Variants in DDX1 observed in about 807,000 individuals in gnomAD.
The protein encoded by DDX1 is DEAD-box helicase 1.
In DDX1, 28 loss-of-function variants were observed where a neutral mutation model predicts 108.7. The ratio of observed to expected loss-of-function variants is 0.26; its 90% CI spans 0.19 to 0.35. The LOEUF is 0.35. Ranked by LOEUF, DDX1 falls within the 10% of genes least tolerant of loss-of-function variation. The probability of loss-of-function intolerance (pLI) is 1.00; values close to 1 mark genes in which losing one functional copy is unlikely to be tolerated. For synonymous variants in DDX1, 295 were observed against 288.9 expected (o/e 1.02, Z -0.21); for missense variants, 710 against 884.5 (o/e 0.80, Z 2.50).
Position 15,630,935 on chromosome 2 carries a change from T to G in DDX1, c.*29T>G. On this transcript the variant is annotated 3_prime_UTR_variant, in exon 26 of 26. Coordinates refer to ENST00000233084, the MANE Select transcript of DDX1 (RefSeq NM_004939.3). ...TTACATTTACTGAATAAGATTTGAGTAATGAAAGTCTGTAGTCTTAAAACT... is the reference window on the plus strand; with the variant it reads ...TTACATTTACTGAATAAGATTTGAGGAATGAAAGTCTGTAGTCTTAAAACT... The G allele has an allele frequency of 1.2e-6, 2 of 1,609,064 alleles. No homozygotes were observed. The highest frequency in any genetic ancestry group is 1.7e-4 in the Middle Eastern group (1 of 6,056).
intron 5 of DDX1, among the ~76,000 whole-genome samples, chr2:15,598,911 A>G (rs929040518): frequency 1.5e-4 from 22 of 150,842 alleles, no homozygotes; most frequent in African/African-American, 5.4e-4. Context: ...TGAATGTGGT[A>G]TTGAATTAAG....
At chr2:15,601,120 C>G (rs575993759) in intron 6 of DDX1, among the ~76,000 whole-genome samples, 1 of 152,210 alleles carries the variant, frequency 6.6e-6, no homozygotes, top group South Asian at 2.1e-4. Context: ...AATAAATAAA[C>G]TCCATTTTCC....
Position 15,606,173 on chromosome 2 carries a change from C to T in DDX1, c.726C>T (p.Phe242=), listed in dbSNP as rs201850199. The T allele has an allele frequency of 5.0e-5, 80 of 1,613,734 alleles. No individual in the cohort carries two copies. The African/African-American group carries it at 7.5e-4, about 15-fold the overall frequency. Residue 242 remains phenylalanine, a synonymous_variant, in exon 12 of 26, where the codon TTC becomes TTT. Transcript: ENST00000233084. The part of the protein sequence containing the change: ...VLKNAELKFN[F]GEEEFKFPPK... ...AGAATGCTGAACTGAAATTTAACTTCGGTGAAGAGGAATTTAAGTTTCCAC... is the reference window on the plus strand; with the variant it reads ...AGAATGCTGAACTGAAATTTAACTTTGGTGAAGAGGAATTTAAGTTTCCAC...
chr2:15,595,453 C>G (rs762164109), intron 2 of DDX1, 37 bp from the exon 3 acceptor site: 1 of 1,550,140 alleles, frequency 6.5e-7, no homozygotes, highest in Non-Finnish European at 8.9e-7. Flanking sequence ...GATTTTTTTC[C>G]CCAGTAACTA....
At chr2:15,618,102 AG>A in intron 15 of DDX1, 78 bp from the exon 16 acceptor site, 1 of 766,194 alleles carries the variant, frequency 1.3e-6, no homozygotes, top group Non-Finnish European at 2.1e-6. Context: ...TTTAGAAAAA[AG>A]ATTTTTGATA....
At chr2:15,630,644 G>T in intron 25 of DDX1, 132 bp from the exon 26 acceptor site, 1 of 828,502 alleles carries the variant, frequency 1.2e-6, no homozygotes. Flanking sequence ...CAAAGTTCTG[G>T]AGATAACTTG....
intron 19 of DDX1, 136 bp downstream of exon 19, chr2:15,623,718 T>G (rs1666047474): frequency 1.5e-6 from 1 of 674,984 alleles, no homozygotes; most frequent in Non-Finnish European, 2.5e-6. Flanking sequence ...CTATGCTTAT[T>G]CAGTACTTTT....
chr2:15,614,462 G>A (rs1271026026), intron 14 of DDX1, among the ~76,000 whole-genome samples: 1 of 152,182 alleles, frequency 6.6e-6, no homozygotes, highest in Non-Finnish European at 1.5e-5. Flanking sequence ...TAGTGCTATG[G>A]TTTTAATGTC....
chr2:15,613,203 T>C, intron 13 of DDX1, 21 bp from the exon 14 acceptor site: 1 of 1,528,176 alleles, frequency 6.5e-7, no homozygotes, highest in Non-Finnish European at 8.9e-7. Flanking sequence ...TTTTATATTA[T>C]CATCTTGATA....
chr2:15,625,620 G>A lies in DDX1; in HGVS notation c.1595-1434G>A, dbSNP rs564821619. 3.9e-5 allele frequency among the ~76,000 whole-genome samples: 6 copies of A among 152,226 alleles called. No individual in the cohort carries two copies. The South Asian group carries it at 1.0e-3, about 26-fold the overall frequency. ...ATAAAATGTTAATTGTTGAATCTAGGTGGTGGATATACAACTGTTCATCCT... is the reference window on the plus strand; with the variant it reads ...ATAAAATGTTAATTGTTGAATCTAGATGGTGGATATACAACTGTTCATCCT... On this transcript the variant is annotated intron_variant, in intron 19 of 25. Transcript: ENST00000233084.
intron 16 of DDX1, among the ~76,000 whole-genome samples, chr2:15,619,591 G>C (rs66599852): frequency 6.6e-6 from 1 of 152,066 alleles, no homozygotes; most frequent in African/African-American, 2.4e-5. Flanking sequence ...TTTTTGTTTG[G>C]TCCCCTCTCA....
chr2:15,608,663 G>GTTTTTTTTTTTTTT (rs569566545), intron 13 of DDX1, among the ~76,000 whole-genome samples: 5 of 106,722 alleles, frequency 4.7e-5, no homozygotes, highest in Non-Finnish European at 7.1e-5. Flanking sequence ...TTTTTTTTAG[G>GTTTTTTTTTTTTTT]TTTTTTTTTT....
intron 5 of DDX1, among the ~76,000 whole-genome samples, 197 bp from the exon 6 acceptor site, chr2:15,599,472 A>C (rs556532017): frequency 6.6e-6 from 1 of 150,994 alleles, no homozygotes; most frequent in Non-Finnish European, 1.5e-5. Context: ...ATGCCTGGCT[A>C]ATTTTTGTAT....
rs1312232006 is a variant in DDX1 at position 15,596,657 on chromosome 2, C to T, written c.133-77C>T. 18 of 1,261,686 alleles carry T rather than the reference C, an allele frequency of 1.4e-5. No homozygotes were observed. The East Asian group carries it at 3.9e-4, about 28-fold the overall frequency. 78.2% of individuals were successfully genotyped at this position (1,261,686 alleles called of 1,614,324 possible). A position where few individuals can be genotyped will look rare whatever the true frequency, so the allele number is the denominator to read the frequency against. On this transcript the variant is annotated intron_variant, in intron 3 of 25. Coordinates refer to ENST00000233084, the MANE Select transcript of DDX1 (RefSeq NM_004939.3). Reference sequence around the variant, plus strand: ...GTAGCCAGTCAAATGTTAAAGATTTCTACATACTATGGTGTTAGTTTGATT... The same window carrying T: ...GTAGCCAGTCAAATGTTAAAGATTTTTACATACTATGGTGTTAGTTTGATT...
intron 22 of DDX1, 35 bp downstream of exon 22, chr2:15,628,745 C>T: frequency 1.9e-6 from 3 of 1,612,892 alleles, no homozygotes; most frequent in South Asian, 2.2e-5. Context: ...CATTTTTAAG[C>T]TTGTATGCTT....
chr2:15,603,136 G>A, intron 7 of DDX1, 56 bp from the exon 8 acceptor site: 1 of 1,198,838 alleles, frequency 8.3e-7, no homozygotes, highest in Non-Finnish European at 1.2e-6. Context: ...ATGACTTCAT[G>A]GTAAATGAAT....
At chr2:15,609,595 C>T (rs1665721312) in intron 13 of DDX1, among the ~76,000 whole-genome samples, 1 of 152,174 alleles carries the variant, frequency 6.6e-6, no homozygotes, top group Non-Finnish European at 1.5e-5. Context: ...GTTTTACATT[C>T]CTTAGTGCAG....
chr2:15,613,946 C>T (rs573796681), intron 14 of DDX1, among the ~76,000 whole-genome samples: 258 of 151,020 alleles, frequency 1.7e-3, no homozygotes, highest in African/African-American at 5.3e-3. Context: ...AAGCAGTTCT[C>T]CTGCCTCAGC....
At chr2:15,600,588 T>G (rs1665574219) in intron 6 of DDX1, among the ~76,000 whole-genome samples, 3 of 152,020 alleles carry the variant, frequency 2.0e-5, no homozygotes, top group Admixed American at 2.0e-4. Flanking sequence ...CCCTTGGGGG[T>G]CAGCTTTGAA....
Sources: allele counts gnomAD v4.1 joint callset (sites outside exome capture counted in the v4.1 genomes callset), GRCh38; gene constraint gnomAD v4.1.1; transcripts MANE v1.5; gene names NCBI Gene and HGNC (gene_info 2026-07-23, HGNC 2026-07-21).